Variants in B3GALT1 observed in about 807,000 individuals in gnomAD.
B3GALT1 encodes the protein beta-1,3-galactosyltransferase 1, also known as UDP-Gal:betaGlcNAc beta 1,3-galactosyltransferase, polypeptide 1.
A neutral mutation model predicts 23.2 loss-of-function variants in B3GALT1; 10 were observed. That is an observed-to-expected ratio of 0.43 (90% CI 0.27 to 0.73). The LOEUF (loss-of-function observed/expected upper bound fraction) is 0.73. Among genes scored for constraint, B3GALT1 ranks in the 30% least tolerant of loss-of-function variants. B3GALT1 has a pLI of 0.21. For missense variants in B3GALT1, 299 were observed against 405.4 expected, an observed-to-expected ratio of 0.74 and a Z score of 2.25; for synonymous variants, 156 against 141.5, an observed-to-expected ratio of 1.10 and a Z score of -0.73.
intron 2 of B3GALT1, among the ~76,000 whole-genome samples, chr2:167,544,527 C>T (rs1683592705): frequency 6.6e-6 from 1 of 152,090 alleles, no homozygotes; most frequent in African/African-American, 2.4e-5. Context: ...AAACTCCTGA[C>T]CTCAAGTGAC....
At chr2:167,443,379 A>G (rs1451922378) in intron 1 of B3GALT1, among the ~76,000 whole-genome samples, 1 of 152,186 alleles carries the variant, frequency 6.6e-6, no homozygotes, top group Non-Finnish European at 1.5e-5. Flanking sequence ...GTTCCATATG[A>G]ACTTTAAAGT....
intron 2 of B3GALT1, among the ~76,000 whole-genome samples, chr2:167,583,235 C>T (rs1023007635): frequency 3.9e-5 from 6 of 152,154 alleles, no homozygotes; most frequent in African/African-American, 1.4e-4. Context: ...CTTTTGTCCC[C>T]CCTTGTCCCT....
At chr2:167,554,956 TATAAG>T (rs1239649190) in intron 2 of B3GALT1, among the ~76,000 whole-genome samples, 3 of 152,098 alleles carry the variant, frequency 2.0e-5, no homozygotes, top group African/African-American at 7.2e-5. Flanking sequence ...GGCAGTGAAA[TATAAG>T]GTAAGAAGGA....
intron 1 of B3GALT1, among the ~76,000 whole-genome samples, chr2:167,422,602 T>G (rs776357298): frequency 6.6e-6 from 1 of 152,074 alleles, no homozygotes; most frequent in African/African-American, 2.4e-5. Context: ...AAACCATGAG[T>G]GTACTTGACT....
At chr2:167,701,830 C>T (rs889330932) in intron 3 of B3GALT1, among the ~76,000 whole-genome samples, 6 of 152,118 alleles carry the variant, frequency 3.9e-5, no homozygotes, top group African/African-American at 9.7e-5. Flanking sequence ...ATTTGGCAGC[C>T]ATCAACATGC....
intron 2 of B3GALT1, among the ~76,000 whole-genome samples, chr2:167,493,627 G>A: frequency 6.6e-6 from 1 of 152,100 alleles, no homozygotes; most frequent in East Asian, 1.9e-4. Flanking sequence ...AGATAAAATA[G>A]ACATGTTCTC....
At chr2:167,447,483 G>C (rs937942259) in intron 1 of B3GALT1, among the ~76,000 whole-genome samples, 1 of 152,194 alleles carries the variant, frequency 6.6e-6, no homozygotes, top group Non-Finnish European at 1.5e-5. Flanking sequence ...AGGCAGGCAG[G>C]CCTCCTTGAG....
chr2:167,635,804 A>G (rs1449294405), intron 2 of B3GALT1, among the ~76,000 whole-genome samples: 1 of 152,134 alleles, frequency 6.6e-6, no homozygotes, highest in Non-Finnish European at 1.5e-5. Flanking sequence ...TATCCCTATC[A>G]AGCTACCACT....
At chr2:167,846,033 A>G (rs909164998) in intron 4 of B3GALT1, among the ~76,000 whole-genome samples, 1 of 152,172 alleles carries the variant, frequency 6.6e-6, no homozygotes, top group African/African-American at 2.4e-5. Context: ...CTTTGAATTA[A>G]CCCAATCCAA....
chr2:167,584,331 C>A (rs1317489870), intron 2 of B3GALT1, among the ~76,000 whole-genome samples: 1 of 152,130 alleles, frequency 6.6e-6, no homozygotes, highest in Non-Finnish European at 1.5e-5. Flanking sequence ...GAAGCATTTG[C>A]TAGTAACTAA....
At chr2:167,605,044 G>A (rs191834939) in intron 2 of B3GALT1, among the ~76,000 whole-genome samples, 69 of 152,308 alleles carry the variant, frequency 4.5e-4, no homozygotes, top group Non-Finnish European at 7.5e-4. Context: ...TCTTCTAGAC[G>A]TCTTGTATTC....
At chr2:167,317,843 G>A (rs1334514382) in intron 1 of B3GALT1, among the ~76,000 whole-genome samples, 1 of 151,984 alleles carries the variant, frequency 6.6e-6, no homozygotes, top group Non-Finnish European at 1.5e-5. Flanking sequence ...AGAATTTCTG[G>A]AAGGTGAGTT....
chr2:167,600,883 G>C (rs927394049), intron 2 of B3GALT1, among the ~76,000 whole-genome samples: 3 of 151,516 alleles, frequency 2.0e-5, no homozygotes, highest in Non-Finnish European at 4.4e-5. Flanking sequence ...ACAAATTTTT[G>C]TATAAACGCA....
chr2:167,403,030 A>G (rs1574065215), intron 1 of B3GALT1, among the ~76,000 whole-genome samples: 1 of 149,310 alleles, frequency 6.7e-6, no homozygotes, highest in African/African-American at 2.5e-5. Flanking sequence ...ATGTTTGTTT[A>G]TTTATTTTTA....
At chr2:167,523,708 A>G (rs1260018575) in intron 2 of B3GALT1, among the ~76,000 whole-genome samples, 2 of 152,172 alleles carry the variant, frequency 1.3e-5, no homozygotes, top group Non-Finnish European at 2.9e-5. Flanking sequence ...GACAGGTGTG[A>G]GCCACTGCAC....
intron 2 of B3GALT1, among the ~76,000 whole-genome samples, chr2:167,637,210 G>A (rs1685571539): frequency 1.3e-5 from 2 of 151,940 alleles, no homozygotes; most frequent in South Asian, 4.1e-4. Flanking sequence ...GTGCACGTAT[G>A]TGGTGCTTAA....
chr2:167,417,342 T>C (rs1170363752), intron 1 of B3GALT1, among the ~76,000 whole-genome samples: 1 of 152,170 alleles, frequency 6.6e-6, no homozygotes, highest in Non-Finnish European at 1.5e-5. Flanking sequence ...TTTCTTATGG[T>C]GTGATGTGAT....
At chr2:167,509,298 C>T (rs980240157) in intron 2 of B3GALT1, among the ~76,000 whole-genome samples, 14 of 152,080 alleles carry the variant, frequency 9.2e-5, no homozygotes, top group East Asian at 3.9e-4. Context: ...AATGAAATGA[C>T]ACATATGCAT....
At chr2:167,826,622 G>T (rs1388115939) in intron 4 of B3GALT1, among the ~76,000 whole-genome samples, 2 of 152,152 alleles carry the variant, frequency 1.3e-5, no homozygotes, top group Admixed American at 1.3e-4. Context: ...AGGAATGAAA[G>T]TCAAAGATGG....
Sources: allele counts gnomAD v4.1 joint callset (sites outside exome capture counted in the v4.1 genomes callset), GRCh38; gene constraint gnomAD v4.1.1; transcripts MANE v1.5; gene names NCBI Gene and HGNC (gene_info 2026-07-23, HGNC 2026-07-21).